The following ACADM variants were observed in gnomAD, a reference collection of about 807,000 sequenced individuals.
ACADM encodes the protein acyl-CoA dehydrogenase medium chain.
ACADM carries 49 observed loss-of-function variants against 58.9 expected under a neutral mutation model. That is an observed-to-expected ratio of 0.83 (90% CI 0.66 to 1.06). The LOEUF is 1.06. Ranked by LOEUF, ACADM falls within the 50% of genes least tolerant of loss-of-function variation. ACADM has a pLI of 0.00. For missense variants in ACADM, 496 were observed against 507.0 expected (o/e 0.98, Z 0.21); for synonymous variants, 160 against 157.7 (o/e 1.01, Z -0.11).
At chr1:75,728,649 C>A (rs1031918230) in intron 2 of ACADM, among the ~76,000 whole-genome samples, 161 bp downstream of exon 2, 23 of 152,200 alleles carry the variant, frequency 1.5e-4, no homozygotes, top group Admixed American at 9.2e-4. Context: ...TCCATTCTTC[C>A]TGATCTCATT....
At chr1:75,743,451 T>C in intron 7 of ACADM, 1 of 1,610,926 alleles carries the variant, frequency 6.2e-7, no homozygotes. Context: ...TGGGATCCTC[T>C]ACCGCTGCCT....
At chr1:75,751,691 G>T (rs896699449) in intron 10 of ACADM, among the ~76,000 whole-genome samples, 1 of 151,918 alleles carries the variant, frequency 6.6e-6, no homozygotes, top group Admixed American at 6.6e-5. Flanking sequence ...TAGAGATGGG[G>T]TTCCCTTATG....
At chr1:75,728,363 A>C (rs1338705046) in intron 1 of ACADM, 38 bp from the exon 2 acceptor site, 2 of 1,534,838 alleles carry the variant, frequency 1.3e-6, no homozygotes, top group Non-Finnish European at 1.8e-6. Context: ...TTAATGTTTA[A>C]CTTATCAAAT....
intron 10 of ACADM, among the ~76,000 whole-genome samples, chr1:75,751,751 G>A (rs1362844303): frequency 2.0e-5 from 3 of 151,802 alleles, no homozygotes; most frequent in East Asian, 1.9e-4. Context: ...TGCCTGCCTC[G>A]GCCTCCCAAA....
intron 6 of ACADM, among the ~76,000 whole-genome samples, chr1:75,738,328 A>G (rs1035101433): frequency 2.6e-5 from 4 of 151,354 alleles, no homozygotes; most frequent in African/African-American, 7.3e-5. Context: ...GGTTCAAGCA[A>G]TTCTTCCTCA....
At chr1:75,755,586 T>G (rs1293519507) in intron 10 of ACADM, among the ~76,000 whole-genome samples, 1 of 152,122 alleles carries the variant, frequency 6.6e-6, no homozygotes, top group Non-Finnish European at 1.5e-5. Flanking sequence ...AGAAAGGACA[T>G]TCACACCAAA....
intron 6 of ACADM, among the ~76,000 whole-genome samples, chr1:75,737,417 C>G (rs1289750328): frequency 1.3e-5 from 2 of 149,762 alleles, no homozygotes; most frequent in Non-Finnish European, 3.0e-5. Flanking sequence ...GGCTCATTTA[C>G]TTCACAGGCT....
At chr1:75,749,688 G>T in intron 9 of ACADM, 129 bp downstream of exon 9, 2 of 794,120 alleles carry the variant, frequency 2.5e-6, no homozygotes, top group African/African-American at 1.8e-5. Context: ...TAAGGATATA[G>T]GAAAAATACT....
intron 2 of ACADM, 119 bp from the exon 3 acceptor site, chr1:75,732,525 G>A: frequency 1.2e-6 from 1 of 838,326 alleles, no homozygotes; most frequent in South Asian, 1.4e-5. Context: ...ACTGTAGTCT[G>A]AGTTTCTGAT....
intron 10 of ACADM, among the ~76,000 whole-genome samples, chr1:75,751,319 G>A (rs71502708): frequency 0.26 from 39,621 of 151,284 alleles, 6,490 homozygotes; most frequent in East Asian, 0.69. Flanking sequence ...CAGCCTGGGC[G>A]ACAGAGTGAG....
At position 75,732,849 on chromosome 1, in the gene ACADM, C is replaced by G; in HGVS notation, c.217-4C>G. On this transcript the variant is annotated splice_region_variant and splice_polypyrimidine_tract_variant and intron_variant, in intron 3 of 11. Coordinates refer to ENST00000370841, the MANE Select transcript of ACADM (RefSeq NM_000016.6). ...ATATTTTAACTCAGTTCTTTTTCTT[C>G]TAGTATCCAGTCCCCCTAATTAGAA... is the stretch of plus-strand genomic sequence containing the variant. The G allele has an allele frequency of 6.2e-7, 1 of 1,612,592 alleles. No individual in the cohort carries two copies. Among genetic ancestry groups the G allele is most frequent in the Non-Finnish European group, 8.5e-7 (1 of 1,178,696 alleles).
chr1:75,761,995 G>A (rs552609129), intron 11 of ACADM, among the ~76,000 whole-genome samples: 4 of 152,350 alleles, frequency 2.6e-5, no homozygotes, highest in Non-Finnish European at 4.4e-5. Flanking sequence ...GAATCAAAAT[G>A]CTGGAGTGAG....
intron 5 of ACADM, among the ~76,000 whole-genome samples, chr1:75,734,407 C>T (rs1647204947): frequency 6.6e-6 from 1 of 151,172 alleles, no homozygotes; most frequent in Non-Finnish European, 1.5e-5. Flanking sequence ...TATCTCTTGA[C>T]CTCGTAATCC....
intron 6 of ACADM, among the ~76,000 whole-genome samples, chr1:75,738,761 T>C (rs965376711): frequency 5.3e-5 from 8 of 152,098 alleles, no homozygotes; most frequent in Non-Finnish European, 8.8e-5. Context: ...TCTTTCTTCT[T>C]TGGACTGTAA....
chr1:75,728,240 G>C, intron 1 of ACADM, 161 bp from the exon 2 acceptor site: 1 of 543,790 alleles, frequency 1.8e-6, no homozygotes, highest in Non-Finnish European at 3.3e-6. Context: ...ACTGATAATT[G>C]GCTTATTTAA....
intron 7 of ACADM, among the ~76,000 whole-genome samples, chr1:75,742,582 G>A (rs1647639990): frequency 6.6e-6 from 1 of 152,108 alleles, no homozygotes. Context: ...TCGGGACTAC[G>A]CTTGGTTCCA....
At position 75,724,793 on chromosome 1, in the gene ACADM, A is replaced by T. The variant is rs752190688; in HGVS notation, c.6A>T (p.Ala2=). The part of the protein sequence containing the change: M[A]AGFGRCCRVL... ...TGGCCGGAACGGGAGCCAACATGGC[A>T]GCGGGGTTCGGGCGATGCTGCAGGG... Residue 2 remains alanine (A), a synonymous_variant, in exon 1 of 12, where the codon GCA becomes GCT. Coordinates refer to ENST00000370841, the MANE Select transcript of ACADM (RefSeq NM_000016.6). 6.6e-7 allele frequency: 1 copy of T among 1,523,826 alleles called. No homozygotes were observed. 94.4% of individuals were successfully genotyped at this position (1,523,826 alleles called of 1,614,324 possible).
chr1:75,751,668 T>C (rs906789470), intron 10 of ACADM, among the ~76,000 whole-genome samples: 1 of 151,836 alleles, frequency 6.6e-6, no homozygotes, highest in Admixed American at 6.6e-5. Flanking sequence ...CCAGCAAATT[T>C]TGATATTTTT....
At chr1:75,749,230 G>A (rs970064959) in intron 8 of ACADM, among the ~76,000 whole-genome samples, 189 bp from the exon 9 acceptor site, 1 of 152,186 alleles carries the variant, frequency 6.6e-6, no homozygotes, top group Non-Finnish European at 1.5e-5. Flanking sequence ...GAAAGTAACT[G>A]TAGATGATAT....
Sources: gnomAD v4.1 joint callset for allele counts (sites outside exome capture counted in the v4.1 genomes callset) on GRCh38, gnomAD v4.1.1 for gene constraint, MANE v1.5 for transcripts, NCBI Gene and HGNC (gene_info 2026-07-23, HGNC 2026-07-21) for gene names.